The following HPD variants were observed in gnomAD, a reference collection of about 807,000 sequenced individuals.
HPD encodes 4-hydroxyphenylpyruvic acid oxidase.
HPD carries 35 observed loss-of-function variants against 56.9 expected under a neutral mutation model. The ratio of observed to expected loss-of-function variants is 0.62; its 90% confidence interval spans 0.47 to 0.82. The LOEUF is 0.82. Ranked by LOEUF, HPD falls within the 40% of genes least tolerant of loss-of-function variation. The pLI, the probability that HPD is intolerant of heterozygous loss-of-function variation, is 0.00. For missense variants in HPD, 442 were observed against 506.8 expected (o/e 0.87, Z 1.23); for synonymous variants, 186 against 200.2 (o/e 0.93, Z 0.60).
chr12:121,863,997 G>C (rs1313074867), upstream of HPD, among the ~76,000 whole-genome samples: 1 of 150,498 alleles, frequency 6.6e-6, no homozygotes, highest in Non-Finnish European at 1.5e-5. Flanking sequence ...GGAGGCCAAG[G>C]CAGGCAGATC....
chr12:121,849,629 A>C lies in HPD; in HGVS notation c.518+58T>G, dbSNP rs182401249. On this transcript the variant is annotated intron_variant, in intron 8 of 13. Transcript: ENST00000289004. The stretch of plus-strand genomic sequence containing the variant: ...GCGCAGTGGACATGGAGGAAGGGGC[A>C]TTACTTTTCACAGTCCCTCAGGGCT... 4.8e-4 allele frequency: 533 copies of C among 1,121,396 alleles called. 3 individuals carry two copies. The highest frequency in any genetic ancestry group is 4.6e-3 in the Admixed American group (274 of 59,132). The allele number at this position is 1,121,396 out of a possible 1,614,324, so 69.5% of individuals were successfully genotyped here. A position where few individuals can be genotyped will look rare whatever the true frequency, so the allele number is the denominator to read the frequency against.
At chr12:121,885,495 C>T in the HPD span, among the ~76,000 whole-genome samples, 5 of 152,086 alleles carry the variant, frequency 3.3e-5, no homozygotes, top group African/African-American at 4.8e-5. Flanking sequence ...CCACCACGCC[C>T]GGCCTATATC....
At chr12:121,862,685 G>C (rs3109093), upstream of HPD, among the ~76,000 whole-genome samples, 2 of 126,774 alleles carry the variant, frequency 1.6e-5, no homozygotes, top group African/African-American at 6.3e-5. Flanking sequence ...TTGGCATCTC[G>C]GCTCAATGCA....
the HPD span, among the ~76,000 whole-genome samples, chr12:121,875,438 T>C: frequency 6.6e-6 from 1 of 150,890 alleles, no homozygotes; most frequent in African/African-American, 2.4e-5. Context: ...TTTTTTTTTT[T>C]TTTTTGAGAC....
the HPD span, among the ~76,000 whole-genome samples, chr12:121,884,574 T>C: frequency 1.1e-4 from 16 of 151,726 alleles, no homozygotes; most frequent in Non-Finnish European, 2.9e-5. Context: ...CCCAGAGATA[T>C]AGGACTACAG....
chr12:121,851,668 A>C (rs1877777545), intron 7 of HPD, among the ~76,000 whole-genome samples: 1 of 150,694 alleles, frequency 6.6e-6, no homozygotes, highest in African/African-American at 2.4e-5. Flanking sequence ...TTAACTTTTT[A>C]AAACATTTTT....
At chr12:121,876,879 A>C in the HPD span, among the ~76,000 whole-genome samples, 1 of 151,990 alleles carries the variant, frequency 6.6e-6, no homozygotes, top group South Asian at 2.1e-4. Context: ...GGATCACTTG[A>C]GGTCAGGAGT....
At chr12:121,851,704 T>A (rs1428591933) in intron 7 of HPD, among the ~76,000 whole-genome samples, 2,609 of 9,248 alleles carry the variant, frequency 0.28, 133 homozygotes, top group South Asian at 0.37. Flanking sequence ...TATTTATTTT[T>A]TTTTTTTTTT....
upstream of HPD, among the ~76,000 whole-genome samples, chr12:121,862,978 C>T (rs1878223186): frequency 6.7e-6 from 1 of 149,844 alleles, no homozygotes; most frequent in African/African-American, 2.4e-5. Flanking sequence ...CCGCGCCCGG[C>T]ACCCCCCCTC....
At chr12:121,854,180 T>C (rs1449467759) in intron 7 of HPD, among the ~76,000 whole-genome samples, 3 of 150,372 alleles carry the variant, frequency 2.0e-5, no homozygotes, top group Non-Finnish European at 3.0e-5. Flanking sequence ...CACTTGAACC[T>C]GGGAGGCGGA....
upstream of HPD, among the ~76,000 whole-genome samples, chr12:121,864,056 T>A (rs1878254637): frequency 7.1e-6 from 1 of 139,894 alleles, no homozygotes; most frequent in Non-Finnish European, 1.5e-5. Context: ...AGCGAAACCC[T>A]GTTTCTACTA....
chr12:121,871,207 A>AC, the HPD span, among the ~76,000 whole-genome samples: 9 of 151,386 alleles, frequency 5.9e-5, 1 homozygote, highest in Non-Finnish European at 1.3e-4. Context: ...ACAAAAAAAA[A>AC]CCCCAAAATC....
chr12:121,883,609 T>G, the HPD span, among the ~76,000 whole-genome samples: 2 of 152,112 alleles, frequency 1.3e-5, no homozygotes, highest in South Asian at 2.1e-4. Flanking sequence ...CCTTTTTATT[T>G]GGAAAAATTT....
At chr12:121,885,664 T>TA in the HPD span, among the ~76,000 whole-genome samples, 3 of 151,680 alleles carry the variant, frequency 2.0e-5, no homozygotes, top group South Asian at 6.3e-4. Flanking sequence ...ACAATTTTTT[T>TA]AAAAATCAGG....
At position 121,857,792 on chromosome 12, in the gene HPD, G is replaced by A. The variant is rs759684821; in HGVS notation, c.58C>T (p.His20Tyr). The part of the protein sequence containing the change: ...KPERGRFLHF[H>Y]SVTFWVGNAK... ...TTGCCAACCCAGAAGGTCACAGAGT[G>A]GAAGTGGAGGAATCGGCCTCTCTCA... The change falls in exon 3 of 14, where the codon CAC becomes TAC. Residue 20 changes from histidine to tyrosine, a missense_variant. His to Tyr is a moderately conservative substitution (Grantham distance 83). Coordinates refer to ENST00000289004, the MANE Select transcript of HPD (RefSeq NM_002150.3). 1.2e-6 allele frequency: 2 copies of A among 1,614,042 alleles called. No individual in the cohort carries two copies. Among genetic ancestry groups the A allele is most frequent in the South Asian group, 2.2e-5 (2 of 91,074 alleles).
chr12:121,842,405 A>G (rs1877436063), intron 12 of HPD, among the ~76,000 whole-genome samples: 1 of 152,082 alleles, frequency 6.6e-6, no homozygotes, highest in Non-Finnish European at 1.5e-5. Context: ...TGCTGGGATT[A>G]TAGGTGTGAG....
At chr12:121,864,918 T>C (rs1359932738), upstream of HPD, among the ~76,000 whole-genome samples, 1 of 151,952 alleles carries the variant, frequency 6.6e-6, no homozygotes, top group Non-Finnish European at 1.5e-5. Flanking sequence ...CCACATTAAT[T>C]CCCATCCTCA....
At chr12:121,853,692 C>T (rs1457440849) in intron 7 of HPD, among the ~76,000 whole-genome samples, 1 of 151,572 alleles carries the variant, frequency 6.6e-6, no homozygotes, top group Non-Finnish European at 1.5e-5. Context: ...GCCTGTAATC[C>T]CAGCACTTTG....
chr12:121,887,674 T>G, the HPD span, among the ~76,000 whole-genome samples: 3 of 152,188 alleles, frequency 2.0e-5, no homozygotes, highest in African/African-American at 4.8e-5. Context: ...ACCTGGCCCA[T>G]TGCATTTAGT....
Sources: allele counts gnomAD v4.1 joint callset (sites outside exome capture counted in the v4.1 genomes callset), GRCh38; gene constraint gnomAD v4.1.1; transcripts MANE v1.5; gene names NCBI Gene and HGNC (gene_info 2026-07-23, HGNC 2026-07-21).